The following CDH7 variants were observed in gnomAD, a reference collection of about 807,000 sequenced individuals.
CDH7 encodes the protein cadherin-7.
Under a neutral mutation model 71.8 loss-of-function variants are expected in CDH7, and 25 were observed. The observed-to-expected ratio is 0.35, with a 90% CI of 0.25 to 0.49. The LOEUF is 0.49. CDH7 is among the 20% of genes least tolerant of loss of function. The pLI is 0.99. For missense variants in CDH7, 862 were observed against 974.6 expected, an observed-to-expected ratio of 0.88 and a Z score of 1.54; for synonymous variants, 381 against 363.8, an observed-to-expected ratio of 1.05 and a Z score of -0.54.
chr18:65,866,556 G>C (rs1196717513), intron 11 of CDH7, among the ~76,000 whole-genome samples: 1 of 152,154 alleles, frequency 6.6e-6, no homozygotes, highest in Non-Finnish European at 1.5e-5. Context: ...GGGAAAACTT[G>C]AGGTGTAGGG....
At chr18:65,808,025 G>A (rs1300771159) in intron 2 of CDH7, among the ~76,000 whole-genome samples, 1 of 152,130 alleles carries the variant, frequency 6.6e-6, no homozygotes, top group Non-Finnish European at 1.5e-5. Context: ...TATAATCCTG[G>A]ATCTGCCAGA....
At chr18:65,848,634 A>G (rs1397630855) in intron 7 of CDH7, among the ~76,000 whole-genome samples, 1 of 152,194 alleles carries the variant, frequency 6.6e-6, no homozygotes, top group Non-Finnish European at 1.5e-5. Context: ...GAAATCAGCA[A>G]GTTCATTTCT....
intron 6 of CDH7, among the ~76,000 whole-genome samples, chr18:65,842,343 G>A (rs956022207): frequency 6.6e-6 from 1 of 151,908 alleles, no homozygotes; most frequent in Non-Finnish European, 1.5e-5. Flanking sequence ...AGTAAGTCCT[G>A]TCTGGTCTAG....
At chr18:65,833,654 ATGTGTT>A (rs1328900262) in intron 6 of CDH7, among the ~76,000 whole-genome samples, 3 of 152,122 alleles carry the variant, frequency 2.0e-5, no homozygotes, top group African/African-American at 7.2e-5. Flanking sequence ...CATTATGTGT[ATGTGTT>A]TGTGTATATA....
intron 1 of CDH7, among the ~76,000 whole-genome samples, chr18:65,756,980 A>G (rs1171828453): frequency 1.3e-5 from 2 of 151,658 alleles, no homozygotes; most frequent in Non-Finnish European, 2.9e-5. Flanking sequence ...TTGACTTTGA[A>G]TGGAACAGGT....
At chr18:65,783,107 G>C (rs1910374966) in intron 2 of CDH7, among the ~76,000 whole-genome samples, 1 of 152,136 alleles carries the variant, frequency 6.6e-6, no homozygotes, top group African/African-American at 2.4e-5. Flanking sequence ...AATGACCACA[G>C]ATAAATACAT....
intron 10 of CDH7, among the ~76,000 whole-genome samples, chr18:65,862,127 T>C (rs1262568343): frequency 2.6e-5 from 4 of 152,070 alleles, no homozygotes; most frequent in Admixed American, 1.3e-4. Context: ...TAAATACCTA[T>C]ATATAATTTT....
chr18:65,861,432 C>T (rs1259710652), intron 10 of CDH7, among the ~76,000 whole-genome samples: 1 of 117,976 alleles, frequency 8.5e-6, no homozygotes, highest in Non-Finnish European at 1.6e-5. Flanking sequence ...GTCATAAATG[C>T]CTCTGACATC....
intron 6 of CDH7, among the ~76,000 whole-genome samples, chr18:65,831,433 A>G (rs1912345715): frequency 2.0e-5 from 3 of 152,282 alleles, no homozygotes; most frequent in South Asian, 4.1e-4. Flanking sequence ...AAGTATCTCT[A>G]TACTCAATTT....
chr18:65,819,227 C>T (rs1016987099), intron 4 of CDH7, among the ~76,000 whole-genome samples: 1 of 152,164 alleles, frequency 6.6e-6, no homozygotes. Context: ...TCAAAATAAT[C>T]TACCCCTCAA....
chr18:65,771,090 T>G (rs528027622), intron 2 of CDH7, among the ~76,000 whole-genome samples: 1 of 152,110 alleles, frequency 6.6e-6, no homozygotes, highest in Admixed American at 6.6e-5. Context: ...ATCAGTATTA[T>G]GGGATTCAGG....
At chr18:65,841,888 A>G (rs1265785720) in intron 6 of CDH7, among the ~76,000 whole-genome samples, 1 of 152,138 alleles carries the variant, frequency 6.6e-6, no homozygotes, top group Non-Finnish European at 1.5e-5. Context: ...CTTAGATAAT[A>G]AACAAACAAA....
chr18:65,840,768 A>T (rs1334801300), intron 6 of CDH7, among the ~76,000 whole-genome samples: 1 of 152,106 alleles, frequency 6.6e-6, no homozygotes, highest in Non-Finnish European at 1.5e-5. Context: ...TAAATTGCCC[A>T]ATCTTGGGTA....
chr18:65,784,113 A>ATTTTTTTTTTTTTTTT (rs72393865), intron 2 of CDH7, among the ~76,000 whole-genome samples: 2 of 106,812 alleles, frequency 1.9e-5, no homozygotes, highest in Admixed American at 1.0e-4. Context: ...ACCCACAGCT[A>ATTTTTTTTTTTTTTTT]TTTTTTTTTT....
chr18:65,777,040 A>G (rs1240457071), intron 2 of CDH7, among the ~76,000 whole-genome samples: 1 of 152,168 alleles, frequency 6.6e-6, no homozygotes, highest in African/African-American at 2.4e-5. Context: ...AAGGGGAACT[A>G]TTGCCAGGCT....
At chr18:65,774,259 A>G (rs2143813262) in intron 2 of CDH7, among the ~76,000 whole-genome samples, 1 of 152,178 alleles carries the variant, frequency 6.6e-6, no homozygotes, top group Non-Finnish European at 1.5e-5. Flanking sequence ...ATAGGATTTG[A>G]GACTCAATAT....
intron 6 of CDH7, among the ~76,000 whole-genome samples, chr18:65,841,634 T>C (rs1446657846): frequency 2.0e-5 from 3 of 152,192 alleles, no homozygotes; most frequent in Non-Finnish European, 4.4e-5. Flanking sequence ...ATGCTTCAAG[T>C]GTCCCCAACA....
At chr18:65,783,416 T>G (rs532660388) in intron 2 of CDH7, among the ~76,000 whole-genome samples, 1 of 152,346 alleles carries the variant, frequency 6.6e-6, no homozygotes, top group Admixed American at 6.5e-5. Context: ...TAAATCACTT[T>G]ATGCACATAT....
intron 2 of CDH7, among the ~76,000 whole-genome samples, chr18:65,807,954 T>C (rs1911385274): frequency 1.3e-5 from 2 of 152,170 alleles, no homozygotes; most frequent in Non-Finnish European, 2.9e-5. Flanking sequence ...ATTCCTATCC[T>C]GGAGCCTGGA....
Sources: allele counts gnomAD v4.1 joint callset (sites outside exome capture counted in the v4.1 genomes callset), GRCh38; gene constraint gnomAD v4.1.1; transcripts MANE v1.5; gene names NCBI Gene and HGNC (gene_info 2026-07-23, HGNC 2026-07-21).